DAPK1: variants seen among roughly 807,000 people sequenced by gnomAD.
The protein encoded by DAPK1 is death associated protein kinase 1, also known as death-associated protein kinase 1.
A neutral mutation model predicts 144.9 loss-of-function variants in DAPK1; 56 were observed. The ratio of observed to expected loss-of-function variants is 0.39; its 90% CI spans 0.31 to 0.48. The LOEUF is 0.48. DAPK1 is among the 20% of genes least tolerant of loss of function. The probability of loss-of-function intolerance (pLI) is 0.95; values close to 1 mark genes in which losing one functional copy is unlikely to be tolerated. For synonymous variants in DAPK1, 690 were observed against 749.0 expected (o/e 0.92, Z 1.29); for missense variants, 1,454 against 1,875.4 (o/e 0.78, Z 4.15).
chr9:87,703,275 C>G (rs908849474), intron 25 of DAPK1, 58 bp downstream of exon 25: 48 of 972,176 alleles, frequency 4.9e-5, no homozygotes, highest in Non-Finnish European at 7.1e-5. Flanking sequence ...CTCAGCCTGT[C>G]CCAAATTCCA....
chr9:87,505,657 A>C (rs1167030191), intron 2 of DAPK1, among the ~76,000 whole-genome samples: 1 of 151,366 alleles, frequency 6.6e-6, no homozygotes, highest in African/African-American at 2.4e-5. Context: ...GGCCTCCCGA[A>C]GTGCTGGGAT....
At chr9:87,500,377 A>G (rs768204379) in intron 2 of DAPK1, among the ~76,000 whole-genome samples, 1 of 152,224 alleles carries the variant, frequency 6.6e-6, no homozygotes, top group Non-Finnish European at 1.5e-5. Flanking sequence ...GTTTAAGATT[A>G]AAGTTTAAGA....
At chr9:87,636,924 G>C (rs958666980) in intron 3 of DAPK1, among the ~76,000 whole-genome samples, 1 of 152,104 alleles carries the variant, frequency 6.6e-6, no homozygotes, top group Non-Finnish European at 1.5e-5. Flanking sequence ...ATAAAGTTTT[G>C]AATGCATGCT....
chr9:87,622,904 C>T (rs1246245202), intron 3 of DAPK1, among the ~76,000 whole-genome samples: 5 of 151,912 alleles, frequency 3.3e-5, no homozygotes, highest in Admixed American at 6.6e-5. Flanking sequence ...GAGTGAGACT[C>T]CATCTCTAAA....
intron 18 of DAPK1, among the ~76,000 whole-genome samples, chr9:87,663,767 C>T (rs11141935): frequency 5.9e-5 from 9 of 151,984 alleles, no homozygotes; most frequent in Non-Finnish European, 1.0e-4. Context: ...GGCCCTCGGC[C>T]CCCCCACACC....
rs1472038731 is a variant in DAPK1 at position 87,535,343 on chromosome 9, GATTT to G, written c.62+36209_62+36212del. ...TGCTCTATCACACTAGTGTTTTTTA[GATTT>G]ATTTTAGTGTTTAATTCTAGTATTT... On this transcript the variant is annotated intron_variant, in intron 2 of 25. Transcript: ENST00000408954. 2.6e-5 allele frequency among the ~76,000 whole-genome samples: 4 copies of G among 152,052 alleles called. No homozygotes were observed. In the East Asian group the frequency reaches 7.7e-4, roughly 29 times the overall value.
intron 14 of DAPK1, 31 bp downstream of exon 14, chr9:87,647,434 G>A (rs1246148947): frequency 1.3e-6 from 2 of 1,586,266 alleles, no homozygotes; most frequent in Non-Finnish European, 1.7e-6. Context: ...AGGAACATGA[G>A]GTGGTAGTAA....
At chr9:87,616,204 C>A (rs1202237908) in intron 3 of DAPK1, among the ~76,000 whole-genome samples, 1 of 152,160 alleles carries the variant, frequency 6.6e-6, no homozygotes, top group African/African-American at 2.4e-5. Context: ...TTCTAGTTTT[C>A]CAGTGGGATT....
At chr9:87,608,099 G>A (rs887011479) in intron 3 of DAPK1, among the ~76,000 whole-genome samples, 13 of 152,092 alleles carry the variant, frequency 8.5e-5, no homozygotes, top group Admixed American at 2.6e-4. Context: ...ATCAGCAAGG[G>A]GGAAGTTCAC....
At chr9:87,551,723 G>A (rs2118565564) in intron 2 of DAPK1, among the ~76,000 whole-genome samples, 1 of 152,244 alleles carries the variant, frequency 6.6e-6, no homozygotes, top group Non-Finnish European at 1.5e-5. Context: ...GAAGGTGAGG[G>A]GCCCATGAAC....
At chr9:87,548,831 A>G (rs1228404071) in intron 2 of DAPK1, among the ~76,000 whole-genome samples, 1 of 146,376 alleles carries the variant, frequency 6.8e-6, no homozygotes, top group Admixed American at 6.9e-5. Flanking sequence ...TTGTGGGGCT[A>G]TGGACAAAAT....
chr9:87,545,256 A>G (rs542971019), intron 2 of DAPK1, among the ~76,000 whole-genome samples: 2 of 152,278 alleles, frequency 1.3e-5, no homozygotes, highest in African/African-American at 4.8e-5. Context: ...GTGCAGGGTT[A>G]GGAAGTGCGT....
Position 87,706,273 on chromosome 9 carries a change from G to A in DAPK1, c.3202G>A (p.Asp1068Asn), listed in dbSNP as rs1825631277. Residue 1068 changes from aspartate (D) to asparagine (N), a missense_variant, in exon 26 of 26, where the codon GAC becomes AAC. By Grantham distance (23) the Asp-to-Asn change is conservative (BLOSUM62 1). Coordinates refer to ENST00000408954, the MANE Select transcript of DAPK1 (RefSeq NM_004938.4). The surrounding 1 kb of genome is among the most constrained non-coding windows in gnomAD (Gnocchi z 9.0). ...CTACCGGGGCCGCTACACCGTGGAGGACATCCAGCGCCTGGTGCCCGACAG... is the reference window on the plus strand; with the variant it reads ...CTACCGGGGCCGCTACACCGTGGAGAACATCCAGCGCCTGGTGCCCGACAG... The part of the protein sequence containing the change: ...HHYRGRYTVE[D>N]IQRLVPDSDV... 6.2e-7 allele frequency: 1 copy of A among 1,613,372 alleles called. No homozygotes were observed. Among genetic ancestry groups the A allele is most frequent in the Non-Finnish European group, 8.5e-7 (1 of 1,179,622 alleles).
chr9:87,696,388 GAC>G (rs1198005371), intron 21 of DAPK1, among the ~76,000 whole-genome samples: 5 of 152,288 alleles, frequency 3.3e-5, no homozygotes, highest in East Asian at 1.9e-4. Context: ...ATGTACGCGT[GAC>G]ACAAGTCGAT....
In DAPK1 at chr9:87,641,821, G is replaced by C. The variant is rs36212045; in HGVS notation, c.829-148G>C. ...TGAGCCCGCTAAGACTAGGTGCCTAGGTATTCCATGTTATCCCAACTTCTT... is the reference window on the plus strand; with the variant it reads ...TGAGCCCGCTAAGACTAGGTGCCTACGTATTCCATGTTATCCCAACTTCTT... On this transcript the variant is annotated intron_variant, in intron 9 of 25. Transcript: ENST00000408954. 1,192 of 621,618 alleles carry C rather than the reference G, an allele frequency of 1.9e-3. 4 individuals are homozygous for C. The highest frequency in any genetic ancestry group is 2.9e-3 in the Non-Finnish European group (1,044 of 358,020). 38.5% of individuals were successfully genotyped at this position (621,618 alleles called of 1,614,324 possible).
At position 87,668,597 on chromosome 9, in the gene DAPK1, G is replaced by A. The variant is rs1412477610; in HGVS notation, c.1924G>A (p.Asp642Asn). The A allele has an allele frequency of 7.3e-7, 1 of 1,366,592 alleles. No individual in the cohort carries two copies. Among genetic ancestry groups the A allele is most frequent in the Admixed American group, 1.7e-5 (1 of 59,742 alleles). 84.7% of individuals were successfully genotyped at this position (1,366,592 alleles called of 1,614,324 possible). A position where few individuals can be genotyped will look rare whatever the true frequency, so the allele number is the denominator to read the frequency against. Residue 642 changes from aspartate (D) to asparagine (N), a missense_variant and splice_region_variant, in exon 19 of 26, where the codon GAC becomes AAC. Physicochemically the swap from Asp to Asn is conservative, Grantham distance 23 (BLOSUM62 1). Transcript: ENST00000408954. The part of the protein sequence containing the change: ...MGASVEALTT[D>N]GKTAEDLARS... ...AAACTAATGCATTTTTCTCCAACAG[G>A]ACGGAAAGACGGCAGAAGATCTTGC...
intron 2 of DAPK1, among the ~76,000 whole-genome samples, chr9:87,556,262 G>T (rs950862993): frequency 1.3e-5 from 2 of 152,152 alleles, no homozygotes; most frequent in Admixed American, 6.5e-5. Flanking sequence ...TCACAACAGC[G>T]CTGTGAGGTT....
rs1039101242 is a variant in DAPK1, at chr9:87,638,188, G to A, written c.423+107G>A. The A allele has an allele frequency of 4.9e-6, 6 of 1,224,322 alleles. No homozygotes were observed. In the East Asian group the frequency reaches 9.7e-5, roughly 20 times the overall value. The allele number at this position is 1,224,322 out of a possible 1,614,324, so 75.8% of individuals were successfully genotyped here. On this transcript the variant is annotated intron_variant, in intron 4 of 25. Coordinates refer to ENST00000408954, the MANE Select transcript of DAPK1 (RefSeq NM_004938.4). Reference sequence around the variant, plus strand: ...TCTGAAAGAGTTACATGATTTTCCTGTACCAGTTTAACAAACAGAAATATC... The same window carrying A: ...TCTGAAAGAGTTACATGATTTTCCTATACCAGTTTAACAAACAGAAATATC...
rs182838307 is a variant in DAPK1 at position 87,561,255 on chromosome 9, A to G, written c.63-43699A>G. On this transcript the variant is annotated intron_variant, in intron 2 of 25. Transcript: ENST00000408954. The stretch of plus-strand genomic sequence containing the variant: ...ATACACCAAATATGTGGCCGGGCGT[A>G]GTGGCTCACGCTTGTAATCCCAGCA... Among the ~76,000 whole-genome samples the G allele has an allele frequency of 6.4e-3, 973 of 152,120 alleles. 17 individuals are homozygous for G. Among genetic ancestry groups the G allele is most frequent in the African/African-American group, 0.022 (903 of 41,514 alleles).
Sources: allele counts gnomAD v4.1 joint callset (sites outside exome capture counted in the v4.1 genomes callset), GRCh38; gene constraint gnomAD v4.1.1; non-coding constraint Gnocchi (gnomAD v3.1); transcripts MANE v1.5; gene names NCBI Gene and HGNC (gene_info 2026-07-23, HGNC 2026-07-21).